PTPRB: variants seen among roughly 807,000 people sequenced by gnomAD.
PTPRB encodes the protein protein tyrosine phosphatase receptor type B, also known as receptor-type tyrosine-protein phosphatase beta.
PTPRB carries 97 observed loss-of-function variants against 238.1 expected under a neutral mutation model. That is an observed-to-expected ratio of 0.41 (90% confidence interval 0.35 to 0.48). The LOEUF is 0.48. Among genes scored for constraint, PTPRB ranks in the 20% least tolerant of loss-of-function variants. The pLI, the probability that PTPRB is intolerant of heterozygous loss-of-function variation, is 0.30. For synonymous variants in PTPRB, 970 were observed against 995.4 expected (o/e 0.97, Z 0.48); for missense variants, 2,292 against 2,681.9 (o/e 0.85, Z 3.21).
chr12:70,527,359 T>C (rs1872586732), intron 32 of PTPRB, among the ~76,000 whole-genome samples: 1 of 152,168 alleles, frequency 6.6e-6, no homozygotes, highest in African/African-American at 2.4e-5. Flanking sequence ...TAAGGCAACA[T>C]AACATACAAT....
chr12:70,627,600 C>T (rs571115708), intron 2 of PTPRB, among the ~76,000 whole-genome samples: 56 of 152,030 alleles, frequency 3.7e-4, no homozygotes, highest in African/African-American at 1.3e-3. Context: ...ATACATAGCC[C>T]TGTGTGTGCC....
Position 70,524,477 on chromosome 12 carries a change from G to A in PTPRB, c.6619C>T (p.His2207Tyr). The A allele has an allele frequency of 6.2e-7, 1 of 1,607,724 alleles. No individual in the cohort carries two copies. Residue 2207 changes from histidine to tyrosine, a missense_variant, in exon 33 of 34, where the codon CAC becomes TAC. Transcript: ENST00000334414. ...PIYENVNPEYHRDPVYSRH is the reference protein window; with the variant it reads ...PIYENVNPEYYRDPVYSRH ...AAGTGAAGTAAGTGCCCACCTCTGT[G>A]ATACTCTGGATTCACATTTTCATAG...
In PTPRB at chr12:70,566,296, A is replaced by G. The variant is rs1332900318; in HGVS notation, c.3904+139T>C. On this transcript the variant is annotated intron_variant, in intron 15 of 33. Coordinates refer to ENST00000334414, the MANE Select transcript of PTPRB (RefSeq NM_001109754.4). Reference sequence around the variant, plus strand: ...ATAGGGCAACTGACATGGAAGTGGCAAATCAGGGTGAATGTTCCCAGCGTA... The same window carrying G: ...ATAGGGCAACTGACATGGAAGTGGCGAATCAGGGTGAATGTTCCCAGCGTA... The G allele has an allele frequency of 1.2e-5, 14 of 1,125,736 alleles. No homozygotes were observed. The East Asian group carries it at 3.6e-4, about 29-fold the overall frequency. 69.7% of individuals were successfully genotyped at this position (1,125,736 alleles called of 1,614,324 possible). A position where few individuals can be genotyped will look rare whatever the true frequency, so the allele number is the denominator to read the frequency against.
chr12:70,561,918 T>C (rs1878533008), intron 16 of PTPRB, among the ~76,000 whole-genome samples: 1 of 152,214 alleles, frequency 6.6e-6, no homozygotes, highest in Admixed American at 6.5e-5. Context: ...ATTACAGCAG[T>C]GGGCCATGTG....
chr12:70,629,180 AT>A (rs1278198437), intron 2 of PTPRB, among the ~76,000 whole-genome samples: 1 of 152,054 alleles, frequency 6.6e-6, no homozygotes, highest in Non-Finnish European at 1.5e-5. Flanking sequence ...CCCTTGAAAC[AT>A]TTTTTTAAAG....
chr12:70,592,495 A>G lies in PTPRB; in HGVS notation c.1567T>C (p.Ser523Pro). The G allele has an allele frequency of 1.2e-6, 2 of 1,613,812 alleles. No individual in the cohort carries two copies. Among genetic ancestry groups the G allele is most frequent in the South Asian group, 1.1e-5 (1 of 91,084 alleles). Residue 523 changes from serine to proline, a missense_variant, in exon 7 of 34, where the codon TCT becomes CCT. By Grantham distance (74) the Ser-to-Pro change is moderately conservative. This residue lies in a region of PTPRB where 1,205 missense variants were observed against 1,287.8 expected (regional missense o/e 0.94). Transcript: ENST00000334414. ...GGTCTTTGCCATTTGACTTTTAGAG[A>G]GGTCAAACTGCCATCATTTGTCACC... ...LKVTNDGSLT[S>P]LKVKWQRPPG... is the part of the protein sequence containing the mutation.
rs554569294 is a variant in PTPRB at position 70,594,921 on chromosome 12, G to A, written c.1259-197C>T. ...CTCTTTTCAAAGTCTGCAGCCTCAA[G>A]TTACATCATAATTTACTTGTCTGCC... On this transcript the variant is annotated intron_variant, in intron 5 of 33. Coordinates refer to ENST00000334414, the MANE Select transcript of PTPRB (RefSeq NM_001109754.4). 1.5e-4 allele frequency among the ~76,000 whole-genome samples: 23 copies of A among 152,246 alleles called. No individual in the cohort carries two copies. In the East Asian group the frequency reaches 4.1e-3, roughly 27 times the overall value.
At position 70,622,431 on chromosome 12, in the gene PTPRB, C is replaced by T. The variant is rs1213805495; in HGVS notation, c.667G>A (p.Val223Ile). 6.2e-7 allele frequency: 1 copy of T among 1,612,792 alleles called. No homozygotes were observed. Among genetic ancestry groups the T allele is most frequent in the Admixed American group, 1.7e-5 (1 of 59,980 alleles). The change falls in exon 3 of 34, where the codon GTT becomes ATT. Residue 223 changes from valine to isoleucine, a missense_variant. Around this residue, in one of 4 missense-constraint regions of PTPRB, gnomAD observed 1,205 missense variants for 1,287.8 expected, o/e 0.94. Transcript: ENST00000334414. Reference protein sequence around the residue: ...HMTGITDTSWVLSTTQPFSST... With the variant: ...HMTGITDTSWILSTTQPFSST... ...GAGAAGGGCTGAGTAGTCGACAAAA[C>T]CCATGATGTGTCTGTAATTCCAGTC...
intron 28 of PTPRB, among the ~76,000 whole-genome samples, chr12:70,537,430 T>G (rs1024717200): frequency 2.0e-5 from 3 of 152,170 alleles, no homozygotes; most frequent in Non-Finnish European, 2.9e-5. Flanking sequence ...GTGGCAGGTT[T>G]CCCATGCCAT....
At chr12:70,544,964 A>C (rs1875746503) in intron 21 of PTPRB, among the ~76,000 whole-genome samples, 1 of 152,200 alleles carries the variant, frequency 6.6e-6, no homozygotes, top group African/African-American at 2.4e-5. Flanking sequence ...ATAAACACAC[A>C]AATATAATAA....
intron 22 of PTPRB, among the ~76,000 whole-genome samples, chr12:70,543,565 A>T (rs1875503114): frequency 6.6e-6 from 1 of 152,130 alleles, no homozygotes; most frequent in African/African-American, 2.4e-5. Flanking sequence ...ATTTGGCATA[A>T]ATAGATTGGA....
rs950855621 is a variant in PTPRB at position 70,517,152 on chromosome 12, A to C, written c.*4337T>G. The C allele has an allele frequency of 6.6e-6, 1 of 152,222 alleles. No homozygotes were observed. Among genetic ancestry groups the C allele is most frequent in the Non-Finnish European group, 1.5e-5 (1 of 68,036 alleles). 9.4% of individuals were successfully genotyped at this position (152,222 alleles called of 1,614,324 possible). A position where few individuals can be genotyped will look rare whatever the true frequency, so the allele number is the denominator to read the frequency against. On this transcript the variant is annotated 3_prime_UTR_variant, in exon 34 of 34. Coordinates refer to ENST00000334414, the MANE Select transcript of PTPRB (RefSeq NM_001109754.4). ...CTAAGGCAGTGTGTCTAAAATGCCA[A>C]ACCCAGTACATTTAGTTAAATATCT... is the stretch of plus-strand genomic sequence containing the variant.
intron 4 of PTPRB, among the ~76,000 whole-genome samples, chr12:70,602,810 A>G (rs1358509760): frequency 1.3e-5 from 2 of 152,206 alleles, no homozygotes; most frequent in Non-Finnish European, 2.9e-5. Context: ...AAGAAAACAC[A>G]ATATCAAAAA....
chr12:70,626,783 G>A (rs528805969), intron 2 of PTPRB, among the ~76,000 whole-genome samples: 4 of 151,574 alleles, frequency 2.6e-5, no homozygotes, highest in East Asian at 2.0e-4. Context: ...ACATACACAC[G>A]TGTGTGTGTG....
At chr12:70,605,630 T>G (rs1198028104) in intron 4 of PTPRB, among the ~76,000 whole-genome samples, 1 of 152,200 alleles carries the variant, frequency 6.6e-6, no homozygotes, top group Non-Finnish European at 1.5e-5. Flanking sequence ...AGTTGGTATC[T>G]AAAAGGAGAA....
In PTPRB at chr12:70,571,813, G is replaced by A. The variant is rs113180168; in HGVS notation, c.3106+11C>T. ...CAACCAACTGTCAGATTTTGCAATC[G>A]TTCCACTTACTTGTTCTCCCATTCC... On this transcript the variant is annotated intron_variant, in intron 12 of 33. Transcript: ENST00000334414. 2.4e-5 allele frequency: 39 copies of A among 1,601,822 alleles called. No homozygotes were observed. The South Asian group carries it at 2.7e-4, about 11-fold the overall frequency.
intron 2 of PTPRB, among the ~76,000 whole-genome samples, chr12:70,631,451 T>C (rs1312112983): frequency 1.3e-5 from 2 of 152,108 alleles, no homozygotes; most frequent in Admixed American, 6.5e-5. Flanking sequence ...AAGACTTAAA[T>C]GTTAGACCTA....
At chr12:70,532,010 G>A (rs765425120) in intron 32 of PTPRB, 25 bp downstream of exon 32, 3 of 1,613,798 alleles carry the variant, frequency 1.9e-6, no homozygotes, top group Non-Finnish European at 2.5e-6. Context: ...AGGGTGGCCT[G>A]TAACTTTCAG....
At chr12:70,574,214 A>T (rs1397108218) in intron 11 of PTPRB, among the ~76,000 whole-genome samples, 1 of 152,130 alleles carries the variant, frequency 6.6e-6, no homozygotes, top group African/African-American at 2.4e-5. Flanking sequence ...CTTTTTCTCA[A>T]ATCATGAAAT....
Sources: gnomAD v4.1 joint callset for allele counts (sites outside exome capture counted in the v4.1 genomes callset) on GRCh38, gnomAD v4.1.1 for gene constraint, gnomAD v4.1.1 regional missense constraint, MANE v1.5 for transcripts, NCBI Gene and HGNC (gene_info 2026-07-23, HGNC 2026-07-21) for gene names.